Variants in CARF observed in about 807,000 individuals in gnomAD.
The protein encoded by CARF is calcium responsive transcription factor.
A neutral mutation model predicts 82.0 loss-of-function variants in CARF; 57 were observed. That is an observed-to-expected ratio of 0.70 (90% CI 0.56 to 0.87). The LOEUF is 0.87. CARF is among the 40% of genes least tolerant of loss of function. The probability of loss-of-function intolerance (pLI) is 0.00; values close to 1 mark genes in which losing one functional copy is unlikely to be tolerated. For synonymous variants in CARF, 268 were observed against 290.1 expected, an observed-to-expected ratio of 0.92 and a Z score of 0.77; for missense variants, 771 against 855.8, an observed-to-expected ratio of 0.90 and a Z score of 1.24.
intron 5 of CARF, among the ~76,000 whole-genome samples, chr2:202,945,328 TTTAAC>T (rs1250032998): frequency 6.6e-6 from 1 of 152,196 alleles, no homozygotes; most frequent in African/African-American, 2.4e-5. Flanking sequence ...TTTATTTACT[TTTAAC>T]TTTTACTTTA....
intron 2 of CARF, among the ~76,000 whole-genome samples, chr2:202,919,427 AT>A (rs1690364276): frequency 6.6e-6 from 1 of 152,202 alleles, no homozygotes; most frequent in Admixed American, 6.5e-5. Context: ...AACTGGGAAT[AT>A]TTGGAATTCT....
At chr2:202,980,572 C>T (rs1410592012) in intron 14 of CARF, among the ~76,000 whole-genome samples, 12 of 127,718 alleles carry the variant, frequency 9.4e-5, no homozygotes, top group South Asian at 2.7e-4. Flanking sequence ...CATTATAGTA[C>T]GGAGAACACA....
chr2:202,964,687 C>T (rs1226389684), intron 9 of CARF, among the ~76,000 whole-genome samples: 1 of 151,898 alleles, frequency 6.6e-6, no homozygotes, highest in East Asian at 1.9e-4. Context: ...CTCTAGGTAT[C>T]TATCTTCCAG....
At chr2:202,953,498 G>GTTTTTTTTTTTTTTTTTTTTTTTGTTT (rs67855316) in intron 6 of CARF, among the ~76,000 whole-genome samples, 1 of 70,294 alleles carries the variant, frequency 1.4e-5, no homozygotes, top group Non-Finnish European at 2.5e-5. Context: ...TTTTTTTGTT[G>GTTTTTTTTTTTTTTTTTTTTTTTGTTT]TTTTTTTTTT....
At chr2:202,932,941 C>T (rs528505248) in intron 3 of CARF, among the ~76,000 whole-genome samples, 1 of 152,238 alleles carries the variant, frequency 6.6e-6, no homozygotes, top group Admixed American at 6.5e-5. Context: ...GCCACAGCAC[C>T]AGTTCTCCAG....
chr2:202,938,236 G>GTTTTTTGTTTTTA (rs1694263058), intron 3 of CARF: 1 of 151,848 alleles, frequency 6.6e-6, no homozygotes, highest in Non-Finnish European at 1.5e-5. Context: ...TAAACTCTCA[G>GTTTTTTGTTTTTA]TTTTTTGTTT....
intron 1 of CARF, among the ~76,000 whole-genome samples, chr2:202,914,697 T>G (rs1689264346): frequency 6.7e-6 from 1 of 149,612 alleles, no homozygotes; most frequent in African/African-American, 2.5e-5. Flanking sequence ...GAGAATTGCT[T>G]GAACCTGGAA....
intron 4 of CARF, 49 bp from the exon 5 acceptor site, chr2:202,942,691 T>A (rs2058286273): frequency 7.3e-7 from 1 of 1,370,416 alleles, no homozygotes; most frequent in Non-Finnish European, 9.9e-7. Context: ...TACACATCTT[T>A]AAAAAAAATG....
At chr2:202,925,574 A>C (rs1691650339) in intron 3 of CARF, 1 of 242,040 alleles carries the variant, frequency 4.1e-6, no homozygotes, top group Non-Finnish European at 8.2e-6. Context: ...ACAGATCTCT[A>C]AGATGAACCA....
chr2:202,956,245 G>GTATT (rs2059035763), intron 8 of CARF, among the ~76,000 whole-genome samples: 2 of 151,776 alleles, frequency 1.3e-5, no homozygotes, highest in African/African-American at 4.8e-5. Flanking sequence ...ATTTATTTAT[G>GTATT]TATTTATGTA....
At position 202,983,854 on chromosome 2, in the gene CARF, A is replaced by T; in HGVS notation, c.*230A>T. 2.4e-6 allele frequency: 1 copy of T among 425,026 alleles called. No homozygotes were observed. Among genetic ancestry groups the T allele is most frequent in the Middle Eastern group, 6.3e-4 (1 of 1,578 alleles). The allele number at this position is 425,026 out of a possible 1,614,324, so 26.3% of individuals were successfully genotyped here. ...TTTTTATGCTCTTTGATTATCTAAT[A>T]AGGCCAGTATTTCAAAAGCTGTTCT... On this transcript the variant is annotated 3_prime_UTR_variant, in exon 17 of 17. Coordinates refer to ENST00000438828, the MANE Select transcript of CARF (RefSeq NM_024744.17).
chr2:202,935,113 TATATAATTATTTATAATTATATA>T (rs1235258623), intron 3 of CARF, among the ~76,000 whole-genome samples: 8 of 143,104 alleles, frequency 5.6e-5, no homozygotes, highest in East Asian at 2.0e-4. Flanking sequence ...TATATAATTA[TATATAATTATTTATAATTATATA>T]ATATAATTAT....
intron 12 of CARF, among the ~76,000 whole-genome samples, chr2:202,972,650 C>T (rs2059840581): frequency 7.6e-6 from 1 of 132,358 alleles, no homozygotes; most frequent in Non-Finnish European, 1.5e-5. Flanking sequence ...GCACTCTACC[C>T]TGGCTACAGA....
intron 1 of CARF, among the ~76,000 whole-genome samples, chr2:202,914,789 A>C (rs1689292332): frequency 6.8e-6 from 1 of 147,618 alleles, no homozygotes; most frequent in East Asian, 2.0e-4. Context: ...CAAAAAAAAA[A>C]AACAAACAAA....
chr2:202,948,222 T>TACCATGGTAC (rs1174577211), intron 5 of CARF, among the ~76,000 whole-genome samples: 1 of 152,240 alleles, frequency 6.6e-6, no homozygotes, highest in Non-Finnish European at 1.5e-5. Context: ...ATGTCTGTTT[T>TACCATGGTAC]CATACCAGTA....
chr2:202,969,984 A>C lies in CARF; in HGVS notation c.1019A>C (p.Lys340Thr). 6.3e-7 allele frequency: 1 copy of C among 1,575,750 alleles called. No homozygotes were observed. The highest frequency in any genetic ancestry group is 8.6e-7 in the Non-Finnish European group (1 of 1,169,514). The change falls in exon 11 of 17, where the codon AAG (lysine) becomes ACG (threonine). Residue 340 changes from lysine (K) to threonine (T), a missense_variant. Coordinates refer to ENST00000438828, the MANE Select transcript of CARF (RefSeq NM_024744.17). Reference sequence around the variant, plus strand: ...GTTCCTACAGACCCCAAAATTGACAAGAAAATTATCAGAATGGAGCAGGAG... The same window carrying C: ...GTTCCTACAGACCCCAAAATTGACACGAAAATTATCAGAATGGAGCAGGAG... ...YRVPTDPKID[K>T]KIIRMEQEKA...
chr2:202,918,801 A>G (rs957821155), intron 2 of CARF, among the ~76,000 whole-genome samples: 3 of 152,194 alleles, frequency 2.0e-5, no homozygotes, highest in African/African-American at 7.2e-5. Context: ...CTTCATTTCA[A>G]CAATGGGTTA....
chr2:202,939,835 C>T (rs1350115753), intron 3 of CARF, among the ~76,000 whole-genome samples: 1 of 151,218 alleles, frequency 6.6e-6, no homozygotes, highest in African/African-American at 2.4e-5. Flanking sequence ...ACTGCAGACC[C>T]ACACCACCAG....
intron 9 of CARF, among the ~76,000 whole-genome samples, chr2:202,966,722 AT>A (rs1052948591): frequency 6.6e-6 from 1 of 152,180 alleles, no homozygotes; most frequent in African/African-American, 2.4e-5. Context: ...AAAAAAAAAA[AT>A]TATATGCCAG....
Sources: allele counts gnomAD v4.1 joint callset (sites outside exome capture counted in the v4.1 genomes callset), GRCh38; gene constraint gnomAD v4.1.1; transcripts MANE v1.5; gene names NCBI Gene and HGNC (gene_info 2026-07-23, HGNC 2026-07-21).